Variants in DGCR2 observed in about 807,000 individuals in gnomAD.
The protein encoded by DGCR2 is integral membrane protein DGCR2/IDD.
A neutral mutation model predicts 51.6 loss-of-function variants in DGCR2; 24 were observed. The observed-to-expected ratio is 0.47, with a 90% CI of 0.34 to 0.65. DGCR2 has a LOEUF of 0.65. Among genes scored for constraint, DGCR2 ranks in the 30% least tolerant of loss-of-function variants. The probability of loss-of-function intolerance (pLI) is 0.01; values close to 1 mark genes in which losing one functional copy is unlikely to be tolerated. For missense variants in DGCR2, 765 were observed against 772.1 expected (o/e 0.99, Z 0.11); for synonymous variants, 340 against 315.4 (o/e 1.08, Z -0.82).
intron 1 of DGCR2, among the ~76,000 whole-genome samples, chr22:19,104,729 G>T (rs2083243744): frequency 6.6e-6 from 1 of 152,182 alleles, no homozygotes; most frequent in South Asian, 2.1e-4. Flanking sequence ...CAGCATCCCT[G>T]GCAGGCCTGC....
chr22:19,118,709 C>T (rs1192439457), intron 1 of DGCR2, among the ~76,000 whole-genome samples: 2 of 152,210 alleles, frequency 1.3e-5, no homozygotes, highest in African/African-American at 4.8e-5. Flanking sequence ...CCAGGGTGCA[C>T]CAGCATTCAG....
intron 7 of DGCR2, chr22:19,046,262 C>T (rs2525015): frequency 1.3e-5 from 2 of 152,070 alleles, no homozygotes; most frequent in East Asian, 3.8e-4. Flanking sequence ...TTGGGTATTT[C>T]ATTTTTTTTG....
At chr22:19,062,779 A>ATTCTCTCTCTCTCT in intron 5 of DGCR2, among the ~76,000 whole-genome samples, 3 of 127,354 alleles carry the variant, frequency 2.4e-5, no homozygotes, top group Non-Finnish European at 3.6e-5. Flanking sequence ...ATGCATGCTC[A>ATTCTCTCTCTCTCT]CTCTCTCTCT....
chr22:19,090,355 C>G (rs910334819), intron 1 of DGCR2, among the ~76,000 whole-genome samples: 1 of 152,176 alleles, frequency 6.6e-6, no homozygotes, highest in Non-Finnish European at 1.5e-5. Flanking sequence ...ACCAGAAATA[C>G]AAACAATACA....
At chr22:19,069,154 A>G (rs2082784614) in intron 2 of DGCR2, among the ~76,000 whole-genome samples, 1 of 152,246 alleles carries the variant, frequency 6.6e-6, no homozygotes, top group Non-Finnish European at 1.5e-5. Flanking sequence ...TTGGTCTGCA[A>G]GGCTGCACAC....
intron 1 of DGCR2, among the ~76,000 whole-genome samples, chr22:19,118,374 C>CAAAAAAAAAAAA (rs923572855): frequency 3.5e-5 from 2 of 56,764 alleles, no homozygotes; most frequent in African/African-American, 7.2e-5. Flanking sequence ...CCATCGCAAA[C>CAAAAAAAAAAAA]AAAAAAAAAA....
chr22:19,045,016 T>TA (rs2082473691), intron 7 of DGCR2, among the ~76,000 whole-genome samples: 2 of 152,342 alleles, frequency 1.3e-5, no homozygotes, highest in East Asian at 3.9e-4. Context: ...AGGATCATGC[T>TA]AAAAATGTTG....
At chr22:19,089,111 G>A (rs745760743) in intron 2 of DGCR2, among the ~76,000 whole-genome samples, 31 of 152,190 alleles carry the variant, frequency 2.0e-4, no homozygotes, top group Non-Finnish European at 2.9e-4. Context: ...GGAGTGCAGC[G>A]CCTCCTTAAG....
At chr22:19,109,799 C>T (rs949271279) in intron 1 of DGCR2, among the ~76,000 whole-genome samples, 3 of 152,114 alleles carry the variant, frequency 2.0e-5, no homozygotes, top group African/African-American at 7.2e-5. Context: ...AAAAAAACTG[C>T]GGTAGCAGTG....
At chr22:19,040,979 G>T in intron 9 of DGCR2, 79 bp downstream of exon 9, 2 of 1,304,264 alleles carry the variant, frequency 1.5e-6, no homozygotes, top group Non-Finnish European at 1.1e-6. Context: ...GGCCTCTGCA[G>T]CTGGGCAAGA....
chr22:19,062,797 T>TCCCTCTCTCC (rs1469862950), intron 5 of DGCR2, among the ~76,000 whole-genome samples: 1 of 148,980 alleles, frequency 6.7e-6, no homozygotes, highest in Non-Finnish European at 1.5e-5. Flanking sequence ...TCTCTCTCTC[T>TCCCTCTCTCC]CTCTCTCTCT....
intron 9 of DGCR2, among the ~76,000 whole-genome samples, chr22:19,040,111 G>C (rs925162854): frequency 1.8e-4 from 27 of 152,132 alleles, no homozygotes; most frequent in Non-Finnish European, 3.1e-4. Flanking sequence ...CCCCCACCCT[G>C]CTCTGCAGCC....
intron 7 of DGCR2, among the ~76,000 whole-genome samples, chr22:19,042,239 A>G (rs1035398482): frequency 6.6e-6 from 1 of 152,180 alleles, no homozygotes; most frequent in Non-Finnish European, 1.5e-5. Flanking sequence ...CACCGGAGCA[A>G]ACTAGGATTT....
chr22:19,098,795 T>C (rs1326500951), intron 1 of DGCR2, among the ~76,000 whole-genome samples: 1 of 152,178 alleles, frequency 6.6e-6, no homozygotes, highest in Non-Finnish European at 1.5e-5. Context: ...GGTCTTGCTA[T>C]GTTGCCCAGG....
At chr22:19,055,346 G>A (rs1743408021) in intron 6 of DGCR2, among the ~76,000 whole-genome samples, 1 of 151,972 alleles carries the variant, frequency 6.6e-6, no homozygotes, top group African/African-American at 2.4e-5. Context: ...AGCAACCTAG[G>A]AATAGGTACT....
chr22:19,067,307 T>C (rs539287969), intron 3 of DGCR2, among the ~76,000 whole-genome samples: 3 of 152,300 alleles, frequency 2.0e-5, no homozygotes, highest in African/African-American at 7.2e-5. Flanking sequence ...AGTGGTGGCT[T>C]TTCCTCCCCT....
At chr22:19,118,374 CAAAAAAAAA>C (rs923572855) in intron 1 of DGCR2, among the ~76,000 whole-genome samples, 6 of 56,766 alleles carry the variant, frequency 1.1e-4, no homozygotes, top group South Asian at 7.1e-4. Context: ...CCATCGCAAA[CAAAAAAAAA>C]AAAAAAAAAA....
At chr22:19,042,771 T>C (rs764055875) in intron 7 of DGCR2, among the ~76,000 whole-genome samples, 41 of 152,168 alleles carry the variant, frequency 2.7e-4, no homozygotes, top group Non-Finnish European at 4.9e-4. Flanking sequence ...TGATGGACTG[T>C]GTAGGGGAAC....
chr22:19,063,122 G>C, intron 5 of DGCR2, 80 bp downstream of exon 5: 1 of 1,363,800 alleles, frequency 7.3e-7, no homozygotes, highest in Non-Finnish European at 1.0e-6. Flanking sequence ...GGCAGCACTG[G>C]GTAAGAGGGA....
Sources: gnomAD v4.1 joint callset for allele counts (sites outside exome capture counted in the v4.1 genomes callset) on GRCh38, gnomAD v4.1.1 for gene constraint, MANE v1.5 for transcripts, NCBI Gene and HGNC (gene_info 2026-07-23, HGNC 2026-07-21) for gene names.